The following CROCC variants were observed in gnomAD, a reference collection of about 807,000 sequenced individuals.
CROCC encodes the protein rootletin.
A neutral mutation model predicts 245.2 loss-of-function variants in CROCC; 180 were observed. That is an observed-to-expected ratio of 0.73 (90% CI 0.65 to 0.83). The LOEUF is 0.83. Ranked by LOEUF, CROCC falls within the 40% of genes least tolerant of loss-of-function variation. The pLI is 0.00. For missense variants in CROCC, 2,688 were observed against 2,779.4 expected (o/e 0.97, Z 0.74); for synonymous variants, 1,205 against 1,241.6 (o/e 0.97, Z 0.62).
At chr1:16,940,188 A>G (rs2075897460) in intron 13 of CROCC, 95 bp downstream of exon 13, 7 of 1,320,812 alleles carry the variant, frequency 5.3e-6, no homozygotes, top group Non-Finnish European at 7.3e-6. Flanking sequence ...CTGCACTAAT[A>G]TGGTCGCCAC....
At position 16,922,004 on chromosome 1, in the gene CROCC, C is replaced by G; in HGVS notation, c.-15C>G. The G allele has an allele frequency of 6.5e-7, 1 of 1,549,090 alleles. No individual in the cohort carries two copies. Among genetic ancestry groups the G allele is most frequent in the East Asian group, 2.4e-5 (1 of 40,956 alleles). On this transcript the variant is annotated 5_prime_UTR_variant, in exon 1 of 37. Transcript: ENST00000375541. ...TGGAGAAGGGGGCTGGAGGCATGCC[C>G]ACAGCCTCCCCCCCATGAGCTTGGG...
At chr1:16,960,512 CTGT>C (rs1342338941) in intron 26 of CROCC, among the ~76,000 whole-genome samples, 2 of 152,218 alleles carry the variant, frequency 1.3e-5, no homozygotes, top group African/African-American at 4.8e-5. Context: ...CAAATGCCAG[CTGT>C]TATTACTAAT....
rs2075479659 is a variant in CROCC at position 16,924,310 on chromosome 1, A to G, written c.197-15A>G. 2 of 1,609,114 alleles carry G rather than the reference A, an allele frequency of 1.2e-6. No individual in the cohort carries two copies. Among genetic ancestry groups the G allele is most frequent in the Non-Finnish European group, 1.7e-6 (2 of 1,178,182 alleles). ...GGACCCAGAAGCCAACCATGTGCCC[A>G]CTGTCCCTTGCCAGTCCTGCTGCCG... is the stretch of plus-strand genomic sequence containing the variant. On this transcript the variant is annotated splice_polypyrimidine_tract_variant and intron_variant, in intron 2 of 36. Transcript: ENST00000375541.
At chr1:16,916,069 G>C (rs1180860954) in intron 1 of CROCC, among the ~76,000 whole-genome samples, 1 of 152,336 alleles carries the variant, frequency 6.6e-6, no homozygotes, top group Middle Eastern at 3.4e-3. Context: ...CCAGCTACTC[G>C]GGAGGCTGAG....
chr1:16,944,328 C>T (rs1258493848), intron 14 of CROCC, 46 bp downstream of exon 14: 27 of 1,475,336 alleles, frequency 1.8e-5, no homozygotes, highest in Middle Eastern at 1.9e-4. Flanking sequence ...AGATGTGCCT[C>T]GGGTCCCCTG....
Position 16,958,657 on chromosome 1 carries a change from C to T in CROCC, c.3939C>T (p.Gly1313=), listed in dbSNP as rs775481175. The T allele has an allele frequency of 1.2e-5, 18 of 1,555,550 alleles. No individual in the cohort carries two copies. The highest frequency in any genetic ancestry group is 1.9e-5 in the Admixed American group (1 of 51,412). The change falls in exon 26 of 37, where the codon GGC becomes GGT. Residue 1313 remains glycine (G), a synonymous_variant. Coordinates refer to ENST00000375541, the MANE Select transcript of CROCC (RefSeq NM_014675.5). ...LAELQGRLAL[G]ERAEKESRRE... is the part of the protein sequence containing the mutation. ...AGCTGCAGGGCCGCCTGGCGCTGGGCGAGCGGGCAGAGAAGGAGAGCAGGC... is the reference window on the plus strand; with the variant it reads ...AGCTGCAGGGCCGCCTGGCGCTGGGTGAGCGGGCAGAGAAGGAGAGCAGGC...
chr1:16,968,142 G>T, intron 30 of CROCC, 61 bp from the exon 31 acceptor site: 1 of 1,497,038 alleles, frequency 6.7e-7, no homozygotes, highest in South Asian at 1.2e-5. Context: ...GCCCCAGGGC[G>T]TGTGCGGGAG....
Position 16,946,793 on chromosome 1 carries a change from G to T in CROCC, c.2316G>T (p.Arg772=). 6.4e-7 allele frequency: 1 copy of T among 1,552,020 alleles called. No homozygotes were observed. The change falls in exon 17 of 37, where the codon CGG becomes CGT. Residue 772 remains arginine (R), a synonymous_variant. Transcript: ENST00000375541. The part of the protein sequence containing the change: ...LEEEKSALQG[R]QRQAEQEATV... ...AAGAAAAGTCCGCCCTGCAGGGCCG[G>T]CAACGGCAGGCAGAGCAGGAGGCCA...
chr1:16,921,921 G>A (rs1307657530), upstream of CROCC: 3 of 1,273,484 alleles, frequency 2.4e-6, no homozygotes, highest in African/African-American at 4.3e-5. Flanking sequence ...TAATCTGCCT[G>A]GTGCTCAGCA....
chr1:16,939,770 G>C (rs2075882564), intron 12 of CROCC, 124 bp from the exon 13 acceptor site: 1 of 1,210,726 alleles, frequency 8.3e-7, no homozygotes, highest in Admixed American at 2.1e-5. Context: ...TCCTGCCCCA[G>C]GCCAGGTCCA....
At chr1:16,933,672 C>T (rs1432215427) in intron 8 of CROCC, among the ~76,000 whole-genome samples, 12 of 152,210 alleles carry the variant, frequency 7.9e-5, no homozygotes, top group African/African-American at 2.4e-4. Context: ...GTTCAGCAAT[C>T]CTATGGCTTC....
intron 8 of CROCC, among the ~76,000 whole-genome samples, chr1:16,931,853 T>C (rs2100372685): frequency 6.6e-6 from 1 of 152,262 alleles, no homozygotes; most frequent in African/African-American, 2.4e-5. Context: ...ACCTCCTGGG[T>C]TCAAGCAATT....
At position 16,946,788 on chromosome 1, in the gene CROCC, G is replaced by T; in HGVS notation, c.2311G>T (p.Gly771Cys). Residue 771 changes from glycine to cysteine, a missense_variant, in exon 17 of 37, where the codon GGC (glycine) becomes TGC (cysteine). Coordinates refer to ENST00000375541, the MANE Select transcript of CROCC (RefSeq NM_014675.5). ...QLEEEKSALQ[G>C]RQRQAEQEAT... ...GGAGGAAGAAAAGTCCGCCCTGCAG[G>T]GCCGGCAACGGCAGGCAGAGCAGGA... 6.4e-7 allele frequency: 1 copy of T among 1,552,052 alleles called. No individual in the cohort carries two copies. The highest frequency in any genetic ancestry group is 8.7e-7 in the Non-Finnish European group (1 of 1,147,272).
intron 14 of CROCC, among the ~76,000 whole-genome samples, chr1:16,944,818 A>G (rs1329151969): frequency 3.3e-5 from 5 of 152,264 alleles, no homozygotes; most frequent in Non-Finnish European, 5.9e-5. Flanking sequence ...TGCGCTGCTT[A>G]CCTCTCAGGG....
chr1:16,956,584 C>T (rs1160352919), intron 25 of CROCC, among the ~76,000 whole-genome samples: 1 of 152,102 alleles, frequency 6.6e-6, no homozygotes. Flanking sequence ...AGAAAGCAGT[C>T]CCAAACAGTG....
upstream of CROCC, among the ~76,000 whole-genome samples, chr1:16,918,300 CTTTTTTTTTTTTT>C (rs201445636): frequency 8.1e-6 from 1 of 123,872 alleles, no homozygotes; most frequent in African/African-American, 2.9e-5. Context: ...GGAATTCAGT[CTTTTTTTTTTTTT>C]TTTTTTTTTT....
chr1:16,934,019 C>G (rs1021163615), intron 8 of CROCC, among the ~76,000 whole-genome samples: 73 of 152,344 alleles, frequency 4.8e-4, no homozygotes, highest in Admixed American at 9.8e-4. Flanking sequence ...GATGTTGGAT[C>G]TAAAGCTAGG....
intron 16 of CROCC, 55 bp from the exon 17 acceptor site, chr1:16,946,706 C>CT: frequency 6.6e-7 from 1 of 1,518,356 alleles, no homozygotes; most frequent in African/African-American, 1.4e-5. Context: ...AGGAGGCGTC[C>CT]TGGTCCTGGG....
At chr1:16,923,601 A>AGCCT (rs1447624572) in intron 2 of CROCC, among the ~76,000 whole-genome samples, 1 of 151,908 alleles carries the variant, frequency 6.6e-6, no homozygotes, top group Non-Finnish European at 1.5e-5. Context: ...CTAGCCTTTA[A>AGCCT]AGTTCCATGA....
Sources: gnomAD v4.1 joint callset for allele counts (sites outside exome capture counted in the v4.1 genomes callset) on GRCh38, gnomAD v4.1.1 for gene constraint, MANE v1.5 for transcripts, NCBI Gene and HGNC (gene_info 2026-07-23, HGNC 2026-07-21) for gene names.